Variants in TRAF3IP1 observed in about 807,000 individuals in gnomAD.
TRAF3IP1 encodes the protein intraflagellar transport 54, also known as TRAF3-interacting protein 1.
A neutral mutation model predicts 89.9 loss-of-function variants in TRAF3IP1; 53 were observed. That is an observed-to-expected ratio of 0.59 (90% CI 0.47 to 0.74). TRAF3IP1 has a LOEUF of 0.74. Among genes scored for constraint, TRAF3IP1 ranks in the 30% least tolerant of loss-of-function variants. The pLI, the probability that TRAF3IP1 is intolerant of heterozygous loss-of-function variation, is 0.00. For missense variants in TRAF3IP1, 806 were observed against 866.1 expected (o/e 0.93, Z 0.87); for synonymous variants, 311 against 322.1 (o/e 0.97, Z 0.37).
intron 15 of TRAF3IP1, among the ~76,000 whole-genome samples, chr2:238,395,919 A>G (rs1255114124): frequency 2.6e-5 from 4 of 152,200 alleles, no homozygotes; most frequent in Non-Finnish European, 5.9e-5. Flanking sequence ...GAACACTTTT[A>G]CACTGTTGGT....
In TRAF3IP1 at chr2:238,349,338, C is replaced by T. The variant is rs1699040776; in HGVS notation, c.1381C>T (p.Pro461Ser). The change falls in exon 12 of 17, where the codon CCT (proline) becomes TCT (serine). Residue 461 changes from proline (P) to serine (S), a missense_variant. Pro to Ser is a moderately conservative substitution (Grantham distance 74). Transcript: ENST00000373327. ...ATTTGGGTTTAGAAGAATTCCTCGG[C>T]CTGGGAGTGCAAGACCAGCCCCTCC... ...LSSNIRRIPR[P>S]GSARPAPPRV... 6.2e-7 allele frequency: 1 copy of T among 1,614,118 alleles called. No individual in the cohort carries two copies. The highest frequency in any genetic ancestry group is 8.5e-7 in the Non-Finnish European group (1 of 1,180,010).
At chr2:238,390,557 A>T (rs1700952005) in intron 15 of TRAF3IP1, among the ~76,000 whole-genome samples, 1 of 152,174 alleles carries the variant, frequency 6.6e-6, no homozygotes, top group Non-Finnish European at 1.5e-5. Flanking sequence ...ACAAGTTGAC[A>T]GGAGGTAAAA....
intron 5 of TRAF3IP1, among the ~76,000 whole-genome samples, chr2:238,330,747 G>A (rs1421415044): frequency 2.0e-5 from 3 of 152,168 alleles, no homozygotes; most frequent in Admixed American, 6.5e-5. Context: ...ACAGTGGGAT[G>A]GGGGGTGCCT....
intron 15 of TRAF3IP1, 146 bp downstream of exon 15, chr2:238,356,226 GTGGCT>G: frequency 1.3e-6 from 1 of 751,346 alleles, no homozygotes; most frequent in Non-Finnish European, 2.2e-6. Flanking sequence ...GCCAGGCATG[GTGGCT>G]CACGCCTGCA....
At chr2:238,391,194 T>G (rs911369585) in intron 15 of TRAF3IP1, among the ~76,000 whole-genome samples, 2 of 152,136 alleles carry the variant, frequency 1.3e-5, no homozygotes, top group African/African-American at 4.8e-5. Context: ...TGGCCTCAAG[T>G]GATCTGCCCA....
At chr2:238,393,842 G>A (rs139286598) in intron 15 of TRAF3IP1, among the ~76,000 whole-genome samples, 1 of 152,274 alleles carries the variant, frequency 6.6e-6, no homozygotes, top group South Asian at 2.1e-4. Context: ...TGGATTCTGT[G>A]TTCTGTTCAT....
chr2:238,372,839 T>A (rs1700164809), intron 15 of TRAF3IP1, among the ~76,000 whole-genome samples: 1 of 152,264 alleles, frequency 6.6e-6, no homozygotes, highest in African/African-American at 2.4e-5. Context: ...TGGCGTGAGA[T>A]GGTATCTCAT....
At chr2:238,324,160 C>T (rs6758621) in intron 1 of TRAF3IP1, among the ~76,000 whole-genome samples, 5,062 of 152,168 alleles carry the variant, frequency 0.033, 271 homozygotes, top group African/African-American at 0.12. Context: ...CTCCACCTCC[C>T]GGGTTCAAAC....
intron 2 of TRAF3IP1, 50 bp downstream of exon 2, chr2:238,325,424 G>C (rs1236619248): frequency 1.9e-6 from 3 of 1,594,204 alleles, no homozygotes; most frequent in East Asian, 2.2e-5. Context: ...TAACGGATGG[G>C]ATTTTTTGTA....
chr2:238,377,749 G>A (rs1700379418), intron 15 of TRAF3IP1, among the ~76,000 whole-genome samples: 1 of 152,140 alleles, frequency 6.6e-6, no homozygotes, highest in South Asian at 2.1e-4. Flanking sequence ...TGTTCTGGAA[G>A]AGATTGTATA....
chr2:238,327,835 G>A (rs1251372246), intron 3 of TRAF3IP1, among the ~76,000 whole-genome samples: 2 of 152,100 alleles, frequency 1.3e-5, no homozygotes, highest in African/African-American at 4.8e-5. Flanking sequence ...GGGTCATAGA[G>A]TGTTTGTCAT....
At chr2:238,397,343 C>A in intron 15 of TRAF3IP1, 116 bp from the exon 16 acceptor site, 1 of 830,480 alleles carries the variant, frequency 1.2e-6, no homozygotes, top group Non-Finnish European at 2.0e-6. Context: ...ACAACCAGCA[C>A]TGTCTCTGCC....
In TRAF3IP1 at chr2:238,381,388, G is replaced by T. The variant is rs114757720; in HGVS notation, c.1690-16071G>T. ...CTGAACCCCACTGACACCCTTGGAG[G>T]GGGCCATAGGCATGGGTGGCGGGTG... On this transcript the variant is annotated intron_variant, in intron 15 of 16. Coordinates refer to ENST00000373327, the MANE Select transcript of TRAF3IP1 (RefSeq NM_015650.4). Among the ~76,000 whole-genome samples the T allele has an allele frequency of 4.4e-3, 667 of 152,322 alleles. 7 individuals carry two copies. The highest frequency in any genetic ancestry group is 0.015 in the African/African-American group (639 of 41,562).
At chr2:238,367,003 T>G (rs757729198) in intron 15 of TRAF3IP1, among the ~76,000 whole-genome samples, 256 of 150,920 alleles carry the variant, frequency 1.7e-3, no homozygotes, top group Non-Finnish European at 3.2e-3. Flanking sequence ...CTCTACTAAA[T>G]ATACACAAAA....
Position 238,397,587 on chromosome 2 carries a change from C to T in TRAF3IP1, c.1818C>T (p.Tyr606=). 6.2e-7 allele frequency: 1 copy of T among 1,612,952 alleles called. No homozygotes were observed. The change falls in exon 16 of 17, where the codon TAC becomes TAT. Residue 606 remains tyrosine (Y), a synonymous_variant. Transcript: ENST00000373327. The part of the protein sequence containing the change: ...SALPLGKIMD[Y]IQEDVDAMQN... ...TTCCCCTGGGGAAGATCATGGACTA[C>T]ATCCAGGAAGACGTGGATGCCATGC...
chr2:238,334,097 T>A, intron 7 of TRAF3IP1, 62 bp downstream of exon 7: 1 of 1,208,044 alleles, frequency 8.3e-7, no homozygotes, highest in Non-Finnish European at 1.2e-6. Context: ...TTTTTTGTCT[T>A]AATCTCAATG....
At chr2:238,364,743 T>G (rs1229588219) in intron 15 of TRAF3IP1, among the ~76,000 whole-genome samples, 2 of 152,190 alleles carry the variant, frequency 1.3e-5, no homozygotes, top group Non-Finnish European at 2.9e-5. Flanking sequence ...ATTTCCTTCT[T>G]TCTTCATTTT....
intron 1 of TRAF3IP1, among the ~76,000 whole-genome samples, chr2:238,324,823 C>T (rs555470236): frequency 2.6e-5 from 4 of 151,876 alleles, no homozygotes; most frequent in East Asian, 2.0e-4. Context: ...AGGATGGTCT[C>T]GATCTTCTGA....
intron 16 of TRAF3IP1, 113 bp from the exon 17 acceptor site, chr2:238,398,641 T>C: frequency 8.1e-7 from 1 of 1,234,152 alleles, no homozygotes; most frequent in East Asian, 2.5e-5. Flanking sequence ...ATATTATCCT[T>C]TTCTTTGGAT....
Sources: gnomAD v4.1 joint callset for allele counts (sites outside exome capture counted in the v4.1 genomes callset) on GRCh38, gnomAD v4.1.1 for gene constraint, MANE v1.5 for transcripts, NCBI Gene and HGNC (gene_info 2026-07-23, HGNC 2026-07-21) for gene names.